The following RARB variants were observed in gnomAD, a reference collection of about 807,000 sequenced individuals.
RARB encodes the protein HBV-activated protein.
In RARB, 17 loss-of-function variants were observed where a neutral mutation model predicts 51.9. That is an observed-to-expected ratio of 0.33 (90% CI 0.22 to 0.49). The LOEUF is 0.49. Among genes scored for constraint, RARB ranks in the 20% least tolerant of loss-of-function variants. RARB has a pLI of 0.99. For missense variants in RARB, 369 were observed against 550.8 expected (o/e 0.67, Z 3.30); for synonymous variants, 215 against 195.4 (o/e 1.10, Z -0.84).
At chr3:25,297,696 A>G (rs1703949729) in intron 5 of RARB, among the ~76,000 whole-genome samples, 1 of 152,124 alleles carries the variant, frequency 6.6e-6, no homozygotes, top group African/African-American at 2.4e-5. Flanking sequence ...CCCTGTTAAA[A>G]GCAAGAGATG....
At chr3:25,235,319 C>T (rs1702277562) in intron 5 of RARB, among the ~76,000 whole-genome samples, 1 of 152,062 alleles carries the variant, frequency 6.6e-6, no homozygotes, top group African/African-American at 2.4e-5. Flanking sequence ...TGCAAGTTCT[C>T]ATCATCAAAT....
intron 5 of RARB, among the ~76,000 whole-genome samples, chr3:25,342,961 G>A (rs544785209): frequency 6.6e-6 from 1 of 151,848 alleles, no homozygotes; most frequent in Non-Finnish European, 1.5e-5. Flanking sequence ...GTTTAAGAGG[G>A]GGGAGGGGAA....
At chr3:25,113,331 A>G (rs183533498) in intron 3 of RARB, among the ~76,000 whole-genome samples, 8 of 152,264 alleles carry the variant, frequency 5.3e-5, no homozygotes, top group African/African-American at 1.9e-4. Context: ...ACTGGGTACA[A>G]TATGTTTTAG....
intron 5 of RARB, among the ~76,000 whole-genome samples, chr3:25,386,578 C>T (rs139484184): frequency 6.6e-6 from 1 of 152,310 alleles, no homozygotes; most frequent in East Asian, 1.9e-4. Context: ...TGGATTCAGG[C>T]GGAGGCCTTG....
Position 25,596,981 on chromosome 3 carries a change from T to G in RARB, c.*365T>G, listed in dbSNP as rs1321928695. Reference sequence around the variant, plus strand: ...AAGTATGGCTCTGTTCTTTCTATACTGTATGTTTGGTGCTTTCCTTTTGTC... The same window carrying G: ...AAGTATGGCTCTGTTCTTTCTATACGGTATGTTTGGTGCTTTCCTTTTGTC... On this transcript the variant is annotated 3_prime_UTR_variant, in exon 8 of 8. Coordinates refer to ENST00000330688, the MANE Select transcript of RARB (RefSeq NM_000965.5). The G allele has an allele frequency of 5.9e-6, 1 of 170,700 alleles. No individual in the cohort carries two copies. The highest frequency in any genetic ancestry group is 1.3e-5 in the Non-Finnish European group (1 of 79,650). The allele number at this position is 170,700 out of a possible 1,614,324, so 10.6% of individuals were successfully genotyped here. A position where few individuals can be genotyped will look rare whatever the true frequency, so the allele number is the denominator to read the frequency against.
At chr3:25,506,986 G>A (rs1287689639) in intron 3 of RARB, among the ~76,000 whole-genome samples, 3 of 152,244 alleles carry the variant, frequency 2.0e-5, no homozygotes, top group African/African-American at 7.2e-5. Context: ...CTGATGAAAT[G>A]TCATTTCCTC....
chr3:25,142,273 G>T (rs1700119073), intron 4 of RARB, among the ~76,000 whole-genome samples: 1 of 152,140 alleles, frequency 6.6e-6, no homozygotes, highest in South Asian at 2.1e-4. Context: ...GGTGGAAGTT[G>T]CAGTTAACCT....
At chr3:24,895,031 T>C (rs553515800) in intron 2 of RARB, among the ~76,000 whole-genome samples, 1 of 152,314 alleles carries the variant, frequency 6.6e-6, no homozygotes, top group Admixed American at 6.5e-5. Context: ...TACTAAGTTA[T>C]ATAGGATAGA....
At chr3:25,074,857 T>G (rs1396181571) in intron 3 of RARB, among the ~76,000 whole-genome samples, 1 of 152,204 alleles carries the variant, frequency 6.6e-6, no homozygotes, top group African/African-American at 2.4e-5. Context: ...CAGGACTCTT[T>G]TCCTACATAT....
intron 5 of RARB, among the ~76,000 whole-genome samples, chr3:25,421,612 A>G (rs886295319): frequency 2.0e-5 from 3 of 151,354 alleles, no homozygotes; most frequent in Admixed American, 6.6e-5. Context: ...ACTGGGTTTC[A>G]CTGTGATGGT....
In RARB at chr3:25,013,187, T is replaced by C. The variant is rs544165006; in HGVS notation, c.-379-46938T>C. Among the ~76,000 whole-genome samples the C allele has an allele frequency of 7.2e-5, 11 of 152,246 alleles. 1 individual carries two copies. Among genetic ancestry groups the C allele is most frequent in the Admixed American group, 7.2e-4 (11 of 15,272 alleles). On this transcript the variant is annotated intron_variant, in intron 2 of 11. Transcript: ENST00000383772. ...TGAAGAAATGACTGAATAGTTACAT[T>C]AGGTCTGGAGTCAACTCAAAGTTAA...
intron 2 of RARB, among the ~76,000 whole-genome samples, chr3:25,014,527 A>T (rs1575119402): frequency 6.6e-6 from 1 of 152,054 alleles, no homozygotes; most frequent in Admixed American, 6.6e-5. Flanking sequence ...TCTATTTTTG[A>T]CCTTCCAATT....
intron 2 of RARB, among the ~76,000 whole-genome samples, chr3:24,865,534 A>T (rs1702830896): frequency 6.6e-6 from 1 of 152,140 alleles, no homozygotes; most frequent in Non-Finnish European, 1.5e-5. Context: ...CAGAATTCGA[A>T]CCCAAGCAGT....
At chr3:24,868,001 C>A (rs1702881904) in intron 2 of RARB, among the ~76,000 whole-genome samples, 1 of 152,118 alleles carries the variant, frequency 6.6e-6, no homozygotes, top group Non-Finnish European at 1.5e-5. Flanking sequence ...GGAGATGATT[C>A]ATCCTTACTA....
chr3:25,573,757 G>T (rs1700807318), intron 4 of RARB, among the ~76,000 whole-genome samples: 1 of 152,216 alleles, frequency 6.6e-6, no homozygotes, highest in Non-Finnish European at 1.5e-5. Context: ...CACCAGAGTG[G>T]CATCCCTGTC....
intron 5 of RARB, among the ~76,000 whole-genome samples, chr3:25,246,495 G>A (rs191641632): frequency 3.0e-4 from 46 of 152,122 alleles, no homozygotes; most frequent in Middle Eastern, 3.4e-3. Flanking sequence ...TCTTCGGATG[G>A]AGTTTTTGCA....
At chr3:25,481,847 A>G (rs934767907) in intron 2 of RARB, among the ~76,000 whole-genome samples, 2 of 152,210 alleles carry the variant, frequency 1.3e-5, no homozygotes, top group South Asian at 2.1e-4. Flanking sequence ...AACAGCAAAT[A>G]TTTTTTGACT....
At position 25,056,885 on chromosome 3, in the gene RARB, C is replaced by T. The variant is rs187511482; in HGVS notation, c.-379-3240C>T. ...CATTAGAGAAAAAATTCCTTAATGA[C>T]GAGTGACTCGCTAAAGTCTGTGTAA... is the stretch of plus-strand genomic sequence containing the variant. On this transcript the variant is annotated intron_variant, in intron 2 of 11. Coordinates refer to the RARB transcript ENST00000383772. Among the ~76,000 whole-genome samples the T allele has an allele frequency of 1.1e-4, 17 of 152,134 alleles. 1 individual carries two copies. The East Asian group carries it at 2.3e-3, about 21-fold the overall frequency.
chr3:25,315,207 A>C (rs1704392294), intron 5 of RARB, among the ~76,000 whole-genome samples: 1 of 152,144 alleles, frequency 6.6e-6, no homozygotes, highest in African/African-American at 2.4e-5. Context: ...CAATGCAAAA[A>C]AAACTGTGAA....
Sources: allele counts gnomAD v4.1 joint callset (sites outside exome capture counted in the v4.1 genomes callset), GRCh38; gene constraint gnomAD v4.1.1; transcripts MANE v1.5; gene names NCBI Gene and HGNC (gene_info 2026-07-23, HGNC 2026-07-21).